Variants in AGBL1 observed in about 807,000 individuals in gnomAD.
AGBL1 encodes cytosolic carboxypeptidase 4.
Under a neutral mutation model 118.9 loss-of-function variants are expected in AGBL1, and 130 were observed. That is an observed-to-expected ratio of 1.09 (90% CI 0.95 to 1.26). The LOEUF (loss-of-function observed/expected upper bound fraction) is 1.26. Among genes scored for constraint, AGBL1 ranks in the 50% most tolerant of loss-of-function variants. The probability of loss-of-function intolerance (pLI) is 0.00; values close to 1 mark genes in which losing one functional copy is unlikely to be tolerated. For missense variants in AGBL1, 1,584 were observed against 1,298.1 expected, an observed-to-expected ratio of 1.22 and a Z score of -3.38; for synonymous variants, 555 against 478.9, an observed-to-expected ratio of 1.16 and a Z score of -2.08.
intron 23 of AGBL1, among the ~76,000 whole-genome samples, chr15:86,927,606 T>A (rs2080558453): frequency 6.6e-6 from 1 of 152,062 alleles, no homozygotes; most frequent in Non-Finnish European, 1.5e-5. Flanking sequence ...TAAATAAAAT[T>A]ATTTTTAAAA....
At chr15:86,832,372 TG>T (rs2079117252) in intron 22 of AGBL1, among the ~76,000 whole-genome samples, 3 of 152,222 alleles carry the variant, frequency 2.0e-5, no homozygotes, top group Admixed American at 1.3e-4. Context: ...TTATATTTTT[TG>T]CTTCCCTTTT....
At chr15:86,267,841 A>C (rs920653023) in intron 13 of AGBL1, among the ~76,000 whole-genome samples, 2 of 152,216 alleles carry the variant, frequency 1.3e-5, no homozygotes, top group Non-Finnish European at 2.9e-5. Context: ...ACTTCTGAAA[A>C]AACAGTCCAG....
At chr15:86,375,002 CT>C (rs2081021646) in intron 17 of AGBL1, among the ~76,000 whole-genome samples, 1 of 152,166 alleles carries the variant, frequency 6.6e-6, no homozygotes, top group African/African-American at 2.4e-5. Flanking sequence ...TTGTCTGGTC[CT>C]AAAGCTACAG....
rs1258405633 is a variant in AGBL1 at position 86,397,462 on chromosome 15, G to A, written c.2471G>A (p.Ser824Asn). Residue 824 changes from serine (S) to asparagine (N), a missense_variant, in exon 18 of 23, where the codon AGT becomes AAT. Physicochemically the swap from Ser to Asn is conservative, Grantham distance 46. Coordinates refer to ENST00000614907, the MANE Select transcript of AGBL1 (RefSeq NM_001386094.1). ...GGTACCTTGGAGTTCCTGGTCAGCA[G>A]TGACCCTGTGGCTAGGCTCTTGAGG... ...MKGTLEFLVS[S>N]DPVARLLREN... 1 of 1,613,184 alleles carries A rather than the reference G, an allele frequency of 6.2e-7. No individual in the cohort carries two copies. The highest frequency in any genetic ancestry group is 8.5e-7 in the Non-Finnish European group (1 of 1,179,398).
chr15:86,203,855 T>A (rs1378455242), intron 5 of AGBL1, among the ~76,000 whole-genome samples: 1 of 152,212 alleles, frequency 6.6e-6, no homozygotes, highest in African/African-American at 2.4e-5. Flanking sequence ...CTGTCTCTCA[T>A]CTTATTCATT....
At chr15:86,826,903 C>A in intron 22 of AGBL1, among the ~76,000 whole-genome samples, 1 of 151,894 alleles carries the variant, frequency 6.6e-6, no homozygotes, top group Non-Finnish European at 1.5e-5. Flanking sequence ...ATATGCCTGA[C>A]ATAATTATTA....
At chr15:86,457,265 T>A (rs1362921886) in intron 18 of AGBL1, among the ~76,000 whole-genome samples, 2 of 152,306 alleles carry the variant, frequency 1.3e-5, no homozygotes, top group African/African-American at 4.8e-5. Context: ...CTGTTAGATG[T>A]GCAACAAACT....
chr15:86,459,748 G>A (rs1352623436), intron 18 of AGBL1, among the ~76,000 whole-genome samples: 1 of 152,030 alleles, frequency 6.6e-6, no homozygotes, highest in African/African-American at 2.4e-5. Context: ...TTGAACTTAG[G>A]TCTCTGACTC....
At chr15:86,409,022 G>T (rs1231016874) in intron 18 of AGBL1, among the ~76,000 whole-genome samples, 1 of 152,158 alleles carries the variant, frequency 6.6e-6, no homozygotes, top group Non-Finnish European at 1.5e-5. Flanking sequence ...TAAAATGAAA[G>T]ACAGACACAT....
chr15:86,463,373 C>T (rs1185307672), intron 18 of AGBL1, among the ~76,000 whole-genome samples: 1 of 147,536 alleles, frequency 6.8e-6, no homozygotes, highest in South Asian at 2.3e-4. Flanking sequence ...CAAAAATTTT[C>T]TCCCATTCTG....
At chr15:86,289,106 A>G (rs1049582034) in intron 16 of AGBL1, among the ~76,000 whole-genome samples, 1 of 152,162 alleles carries the variant, frequency 6.6e-6, no homozygotes, top group Non-Finnish European at 1.5e-5. Flanking sequence ...AGCATTTCTC[A>G]TACACATTTT....
At chr15:86,437,090 T>A (rs931322912) in intron 18 of AGBL1, among the ~76,000 whole-genome samples, 2 of 152,174 alleles carry the variant, frequency 1.3e-5, no homozygotes, top group African/African-American at 4.8e-5. Context: ...CTAGTTGCTA[T>A]CATCAGAGAG....
At chr15:86,865,351 G>A (rs937112680) in intron 22 of AGBL1, among the ~76,000 whole-genome samples, 10 of 152,262 alleles carry the variant, frequency 6.6e-5, no homozygotes, top group African/African-American at 2.2e-4. Flanking sequence ...TTGACTCAAA[G>A]CCCCACGTTT....
chr15:86,994,172 C>T (rs1479700932), intron 24 of AGBL1, among the ~76,000 whole-genome samples: 2 of 152,116 alleles, frequency 1.3e-5, no homozygotes, highest in African/African-American at 4.8e-5. Flanking sequence ...GGAAATTTGT[C>T]TTTCAAATTC....
chr15:86,430,053 C>T (rs916682673), intron 18 of AGBL1, among the ~76,000 whole-genome samples: 4 of 152,078 alleles, frequency 2.6e-5, no homozygotes, highest in Admixed American at 6.6e-5. Context: ...GAAGACATTG[C>T]GAATCAAAGC....
chr15:86,714,371 C>A (rs1041506972), intron 22 of AGBL1, among the ~76,000 whole-genome samples: 1 of 152,066 alleles, frequency 6.6e-6, no homozygotes, highest in African/African-American at 2.4e-5. Context: ...GGAAGCACAG[C>A]AAAGACTCAA....
At chr15:86,512,055 T>A (rs2083058479) in intron 18 of AGBL1, among the ~76,000 whole-genome samples, 1 of 151,984 alleles carries the variant, frequency 6.6e-6, no homozygotes, top group Non-Finnish European at 1.5e-5. Context: ...TTTTAATTCA[T>A]GTGAATATAC....
At chr15:86,752,464 G>A (rs2077869147) in intron 22 of AGBL1, among the ~76,000 whole-genome samples, 3 of 152,034 alleles carry the variant, frequency 2.0e-5, no homozygotes, top group Non-Finnish European at 2.9e-5. Context: ...TCTTCCTGAG[G>A]TAATGAGTTT....
chr15:86,864,763 G>C (rs1389653335), intron 22 of AGBL1, among the ~76,000 whole-genome samples: 3 of 152,282 alleles, frequency 2.0e-5, no homozygotes, highest in East Asian at 3.9e-4. Context: ...GAGCCTACCA[G>C]GAGCTAGGCG....
Sources: allele counts gnomAD v4.1 joint callset (sites outside exome capture counted in the v4.1 genomes callset), GRCh38; gene constraint gnomAD v4.1.1; transcripts MANE v1.5; gene names NCBI Gene and HGNC (gene_info 2026-07-23, HGNC 2026-07-21).